ZNF608: variants seen among roughly 807,000 people sequenced by gnomAD.
The protein encoded by ZNF608 is renal carcinoma antigen NY-REN-36.
Under a neutral mutation model 109.0 loss-of-function variants are expected in ZNF608, and 12 were observed. That is an observed-to-expected ratio of 0.11 (90% confidence interval 0.07 to 0.18). The LOEUF (loss-of-function observed/expected upper bound fraction) is 0.18. Among genes scored for constraint, ZNF608 ranks in the 10% least tolerant of loss-of-function variants. ZNF608 has a pLI of 1.00. For synonymous variants in ZNF608, 732 were observed against 717.4 expected (o/e 1.02, Z -0.33); for missense variants, 1,707 against 1,879.3 (o/e 0.91, Z 1.70).
rs570026959 is a variant in ZNF608, at chr5:124,652,019, G to A, written c.1163-2322C>T. On this transcript the variant is annotated intron_variant, in intron 3 of 9. Coordinates refer to ENST00000513986, the MANE Select transcript of ZNF608 (RefSeq NM_020747.3). Reference sequence around the variant, plus strand: ...CGCGCCACGCGGCTCCACACAACACGCCGGCCCACGCAGAACCCTCAGAAC... The same window carrying A: ...CGCGCCACGCGGCTCCACACAACACACCGGCCCACGCAGAACCCTCAGAAC... Among the ~76,000 whole-genome samples, 7 of 152,362 alleles carry A rather than the reference G, an allele frequency of 4.6e-5. No individual in the cohort carries two copies. The East Asian group carries it at 1.4e-3, about 29-fold the overall frequency.
intron 3 of ZNF608, among the ~76,000 whole-genome samples, chr5:124,692,836 T>C (rs557302518): frequency 6.6e-6 from 1 of 152,150 alleles, no homozygotes; most frequent in Non-Finnish European, 1.5e-5. Flanking sequence ...TTTCTGAGGA[T>C]TAAAGGAAAT....
At position 124,647,013 on chromosome 5, in the gene ZNF608, C is replaced by T. The variant is rs1379001880; in HGVS notation, c.3371G>A (p.Arg1124Lys). 3.1e-6 allele frequency: 5 copies of T among 1,613,994 alleles called. No individual in the cohort carries two copies. Among genetic ancestry groups the T allele is most frequent in the Non-Finnish European group, 4.2e-6 (5 of 1,180,004 alleles). ...LAEQKMAQTGRGDCERKSELP... is the reference protein window; with the variant it reads ...LAEQKMAQTGKGDCERKSELP... ...CTCACTTTTCCTTTCACAGTCTCCT[C>T]TCCCAGTCTGGGCCATTTTCTGCTC... Residue 1124 changes from arginine (R) to lysine (K), a missense_variant, in exon 5 of 10, where the codon AGA becomes AAA. Arg to Lys is a conservative substitution (Grantham distance 26, BLOSUM62 2). This residue lies in a region of ZNF608 where 1,073 missense variants were observed against 1,133.5 expected (regional missense o/e 0.95). Coordinates refer to ENST00000513986, the MANE Select transcript of ZNF608 (RefSeq NM_020747.3).
rs1365463822 is a variant in ZNF608 at position 124,637,353 on chromosome 5, G to A, written c.*547C>T. The A allele has an allele frequency of 6.6e-6, 1 of 152,522 alleles. No individual in the cohort carries two copies. The highest frequency in any genetic ancestry group is 2.4e-5 in the African/African-American group (1 of 41,406). 9.4% of individuals were successfully genotyped at this position (152,522 alleles called of 1,614,324 possible). On this transcript the variant is annotated 3_prime_UTR_variant, in exon 10 of 10. Coordinates refer to ENST00000513986, the MANE Select transcript of ZNF608 (RefSeq NM_020747.3). Reference sequence around the variant, plus strand: ...AGTGACTACAGGAACATTTTACACTGGTGCGTCTTTAACAGGAGCCACCAA... The same window carrying A: ...AGTGACTACAGGAACATTTTACACTAGTGCGTCTTTAACAGGAGCCACCAA...
intron 3 of ZNF608, among the ~76,000 whole-genome samples, chr5:124,683,038 C>CT (rs1752258608): frequency 6.6e-6 from 1 of 150,946 alleles, no homozygotes; most frequent in Non-Finnish European, 1.5e-5. Flanking sequence ...CTCTCTCTCT[C>CT]CCCCTCTCTA....
chr5:124,715,886 GT>G (rs1205485412), intron 2 of ZNF608, among the ~76,000 whole-genome samples: 2 of 152,150 alleles, frequency 1.3e-5, no homozygotes, highest in East Asian at 3.9e-4. Flanking sequence ...GCTCACGCCT[GT>G]AATCCCAGCA....
intron 2 of ZNF608, among the ~76,000 whole-genome samples, chr5:124,739,814 C>G (rs1048853773): frequency 6.6e-6 from 1 of 152,160 alleles, no homozygotes; most frequent in Non-Finnish European, 1.5e-5. Context: ...CTCTTTTTCA[C>G]GCTGAAAACG....
At chr5:124,639,103 C>A in intron 9 of ZNF608, 30 bp downstream of exon 9, 1 of 1,602,696 alleles carries the variant, frequency 6.2e-7, no homozygotes, top group South Asian at 1.1e-5. Context: ...TTTCTATCTA[C>A]AACTAATTAA....
chr5:124,685,128 CACACACTATCA>C (rs1752348789), intron 3 of ZNF608, among the ~76,000 whole-genome samples: 1 of 152,154 alleles, frequency 6.6e-6, no homozygotes, highest in Non-Finnish European at 1.5e-5. Flanking sequence ...CTTTTGAAGT[CACACACTATCA>C]ACTCCAAATA....
At position 124,647,717 on chromosome 5, in the gene ZNF608, G is replaced by T; in HGVS notation, c.2667C>A (p.Phe889Leu). Residue 889 changes from phenylalanine to leucine, a missense_variant, in exon 5 of 10, where the codon TTC becomes TTA. By Grantham distance (22) the Phe-to-Leu change is conservative. Coordinates refer to ENST00000513986, the MANE Select transcript of ZNF608 (RefSeq NM_020747.3). ...IKAEADKVYT[F>L]TDNAPSPSIG... ...TGGAAGGGCTGGGAGCGTTGTCTGT[G>T]AAAGTGTAAACCTTATCGGCCTCAG... 1 of 1,614,222 alleles carries T rather than the reference G, an allele frequency of 6.2e-7. No individual in the cohort carries two copies. The highest frequency in any genetic ancestry group is 8.5e-7 in the Non-Finnish European group (1 of 1,180,048).
chr5:124,738,425 G>T (rs1749241331), intron 2 of ZNF608, among the ~76,000 whole-genome samples: 1 of 152,166 alleles, frequency 6.6e-6, no homozygotes, highest in Non-Finnish European at 1.5e-5. Context: ...CAGATTGCTG[G>T]CAAGTTCAGA....
At chr5:124,643,710 C>G (rs2149784194) in intron 6 of ZNF608, 27 bp from the exon 7 acceptor site, 1 of 1,612,126 alleles carries the variant, frequency 6.2e-7, no homozygotes, top group Non-Finnish European at 8.5e-7. Context: ...AATGCCACAT[C>G]AAGTTACAGG....
chr5:124,735,765 G>C (rs1409271144), intron 2 of ZNF608, among the ~76,000 whole-genome samples: 2 of 152,222 alleles, frequency 1.3e-5, no homozygotes, highest in Non-Finnish European at 2.9e-5. Context: ...TGACCAAATG[G>C]AGTTGGATGC....
upstream of ZNF608, among the ~76,000 whole-genome samples, chr5:124,746,963 CGGTGGGGT>C (rs1454047149): frequency 4.0e-4 from 2 of 4,980 alleles, no homozygotes; most frequent in Non-Finnish European, 1.3e-3. Context: ...GGGCTTGGGG[CGGTGGGGT>C]GGGGAAAATA....
chr5:124,668,983 A>G (rs13162118), intron 3 of ZNF608, among the ~76,000 whole-genome samples: 18,223 of 152,200 alleles, frequency 0.12, 1,229 homozygotes, highest in East Asian at 0.22. Context: ...TCTCAGATTT[A>G]TGGCACATAA....
intron 2 of ZNF608, among the ~76,000 whole-genome samples, chr5:124,743,746 A>G (rs560693742): frequency 6.6e-6 from 1 of 152,328 alleles, no homozygotes; most frequent in Non-Finnish European, 1.5e-5. Flanking sequence ...CAGGTTTTCT[A>G]TTAAAAGCAC....
intron 3 of ZNF608, among the ~76,000 whole-genome samples, chr5:124,669,225 C>T (rs1460997014): frequency 1.3e-5 from 2 of 152,142 alleles, no homozygotes; most frequent in African/African-American, 2.4e-5. Context: ...CATCCCCCAC[C>T]GAAATCACAT....
intron 3 of ZNF608, among the ~76,000 whole-genome samples, chr5:124,660,504 C>T (rs1287807344): frequency 6.6e-6 from 1 of 152,100 alleles, no homozygotes. Flanking sequence ...AGGATGAACT[C>T]TGCAGTCATT....
intron 3 of ZNF608, among the ~76,000 whole-genome samples, chr5:124,652,999 C>T (rs1750858585): frequency 6.6e-6 from 1 of 152,200 alleles, no homozygotes; most frequent in Non-Finnish European, 1.5e-5. Flanking sequence ...TATACAGGTA[C>T]TTTTCATCTT....
chr5:124,670,391 C>T (rs530731967), intron 3 of ZNF608, among the ~76,000 whole-genome samples: 1 of 150,960 alleles, frequency 6.6e-6, no homozygotes, highest in East Asian at 1.9e-4. Flanking sequence ...ACATCATAGC[C>T]TAAAATATGA....
Sources: allele counts gnomAD v4.1 joint callset (sites outside exome capture counted in the v4.1 genomes callset), GRCh38; gene constraint gnomAD v4.1.1; regional missense constraint gnomAD v4.1.1; transcripts MANE v1.5; gene names NCBI Gene and HGNC (gene_info 2026-07-23, HGNC 2026-07-21).